Variants in FOXM1 observed in about 807,000 individuals in gnomAD.
FOXM1 encodes forkhead box M1.
In FOXM1, 25 loss-of-function variants were observed where a neutral mutation model predicts 63.6. The observed-to-expected ratio is 0.39, with a 90% CI of 0.29 to 0.55. The LOEUF (loss-of-function observed/expected upper bound fraction) is 0.55. Among genes scored for constraint, FOXM1 ranks in the 20% least tolerant of loss-of-function variants. The pLI, the probability that FOXM1 is intolerant of heterozygous loss-of-function variation, is 0.60. For synonymous variants in FOXM1, 387 were observed against 376.9 expected (o/e 1.03, Z -0.31); for missense variants, 879 against 958.7 (o/e 0.92, Z 1.10).
In FOXM1 at chr12:2,864,902, G is replaced by A. The variant is rs945184765; in HGVS notation, c.1021-150C>T. The A allele has an allele frequency of 2.5e-6, 2 of 788,982 alleles. No homozygotes were observed. Among genetic ancestry groups the A allele is most frequent in the Non-Finnish European group, 4.3e-6 (2 of 468,832 alleles). The allele number at this position is 788,982 out of a possible 1,614,324, so 48.9% of individuals were successfully genotyped here. On this transcript the variant is annotated intron_variant, in intron 6 of 8. Transcript: ENST00000359843. This position sits in a 1 kb window ranked among gnomAD's most constrained non-coding sequence, Gnocchi z 5.1. ...AGGCCAACCTGAGGGGATGGACGTA[G>A]GCGAGCAGTCTCCAAAACTGTGATG...
Position 2,864,036 on chromosome 12 carries a change from T to G in FOXM1, c.1266+284A>C. 3.1e-6 allele frequency: 1 copy of G among 320,962 alleles called. No homozygotes were observed. The highest frequency in any genetic ancestry group is 5.8e-6 in the Non-Finnish European group (1 of 171,408). The allele number at this position is 320,962 out of a possible 1,614,324, so 19.9% of individuals were successfully genotyped here. A position where few individuals can be genotyped will look rare whatever the true frequency, so the allele number is the denominator to read the frequency against. ...ATCTCTTTCTAAGGCCTGCCTCCCT[T>G]GTGTATCTTCCTTAATAATCCTAGC... is the stretch of plus-strand genomic sequence containing the variant. On this transcript the variant is annotated intron_variant, in intron 8 of 8. Transcript: ENST00000359843. The surrounding 1 kb of genome is among the most constrained non-coding windows in gnomAD (Gnocchi z 5.1).
chr12:2,873,602 CAG>C (rs1190678952), intron 2 of FOXM1, among the ~76,000 whole-genome samples: 1 of 148,648 alleles, frequency 6.7e-6, no homozygotes. Flanking sequence ...TTTTTTGAGA[CAG>C]AGTCTCCCTC....
intron 8 of FOXM1, among the ~76,000 whole-genome samples, chr12:2,862,213 A>C (rs1483851454): frequency 6.6e-6 from 1 of 151,984 alleles, no homozygotes; most frequent in African/African-American, 2.4e-5. Context: ...CATGTAGAGA[A>C]GTATGCACAA....
rs2098139069 is a variant in FOXM1 at position 2,874,662 on chromosome 12, A to T, written c.-47-137T>A. On this transcript the variant is annotated intron_variant, in intron 1 of 8. Coordinates refer to ENST00000359843, the MANE Select transcript of FOXM1 (RefSeq NM_021953.4). The surrounding 1 kb of genome is among the most constrained non-coding windows in gnomAD (Gnocchi z 4.3). ...AGGTAAACATTCCATGGACTTTTGT[A>T]AAGACCTCAGATAATAAGGAGATAA... 2 of 628,132 alleles carry T rather than the reference A, an allele frequency of 3.2e-6. No homozygotes were observed. The highest frequency in any genetic ancestry group is 3.6e-5 in the African/African-American group (2 of 55,020). 38.9% of individuals were successfully genotyped at this position (628,132 alleles called of 1,614,324 possible).
chr12:2,865,456 T>A (rs1322061685), intron 5 of FOXM1, 57 bp from the exon 6 acceptor site: 3 of 1,444,562 alleles, frequency 2.1e-6, no homozygotes, highest in Non-Finnish European at 2.9e-6. Context: ...ACCAACGTGG[T>A]CAATTTGACC....
intron 8 of FOXM1, 48 bp from the exon 9 acceptor site, chr12:2,859,711 C>G: frequency 1.4e-6 from 2 of 1,424,656 alleles, no homozygotes; most frequent in African/African-American, 1.4e-5. Flanking sequence ...CCAGACAGGA[C>G]GCACAAAAAT....
At position 2,859,256 on chromosome 12, in the gene FOXM1, C is replaced by T. The variant is rs753533687; in HGVS notation, c.1674G>A (p.Pro558=). 1.9e-5 allele frequency: 30 copies of T among 1,613,574 alleles called. No individual in the cohort carries two copies. Among genetic ancestry groups the T allele is most frequent in the Middle Eastern group, 1.6e-4 (1 of 6,082 alleles). Residue 558 remains proline (P), a synonymous_variant, in exon 9 of 9, where the codon CCG becomes CCA. Transcript: ENST00000359843. ...TGGGCCCCTCTGAGAAGAGCAGCTC[C>T]GGCTCATCCACACAGGGAGGCAGTA... The part of the protein sequence containing the change: ...QHLLPPCVDE[P]ELLFSEGPST...
chr12:2,861,041 G>A (rs567837670), intron 8 of FOXM1, among the ~76,000 whole-genome samples: 21 of 150,918 alleles, frequency 1.4e-4, no homozygotes, highest in African/African-American at 5.1e-4. Context: ...AGTGGTGGGC[G>A]CCTGTAATCC....
rs28990685 is a variant in FOXM1 at position 2,876,934 on chromosome 12, C to G, written c.-62G>C. ...ATCCCGCTCACCTCCAGACTGCAGT[C>G]GCCGCCGCCGTTAGGCCGTAGCTCC... On this transcript the variant is annotated 5_prime_UTR_variant, in exon 1 of 9. Coordinates refer to ENST00000359843, the MANE Select transcript of FOXM1 (RefSeq NM_021953.4). The G allele has an allele frequency of 0.03, 4,629 of 152,370 alleles. 221 individuals are homozygous for G. The highest frequency in any genetic ancestry group is 0.1 in the African/African-American group (4,309 of 41,562). The allele number at this position is 152,370 out of a possible 1,614,324, so 9.4% of individuals were successfully genotyped here.
At chr12:2,859,807 G>C in intron 8 of FOXM1, 144 bp from the exon 9 acceptor site, 1 of 645,006 alleles carries the variant, frequency 1.6e-6, no homozygotes, top group South Asian at 2.0e-5. Context: ...GTTGAAGTTG[G>C]TAGTTCAATT....
At position 2,859,214 on chromosome 12, in the gene FOXM1, G is replaced by C. The variant is rs745319066; in HGVS notation, c.1716C>G (p.Ala572=). ...FSEGPSTSRW[A]AELPFPADSS... is the part of the protein sequence containing the mutation. ...AGTCTGCTGGGAACGGGAGCTCTGC[G>C]GCCCAGCGGGAAGTACTGGGCCCCT... Residue 572 remains alanine, a synonymous_variant, in exon 9 of 9, where the codon GCC becomes GCG. Transcript: ENST00000359843. The C allele has an allele frequency of 6.8e-6, 11 of 1,612,274 alleles. No individual in the cohort carries two copies. Among genetic ancestry groups the C allele is most frequent in the South Asian group, 1.1e-5 (1 of 91,070 alleles).
chr12:2,872,027 A>T lies in FOXM1; in HGVS notation c.654+69T>A, dbSNP rs28990695. 5.8e-3 allele frequency: 8,910 copies of T among 1,539,130 alleles called. 435 individuals carry two copies. In the African/African-American group the frequency reaches 0.11, roughly 18 times the overall value. Reference sequence around the variant, plus strand: ...AAATTCTGGTCCATCAGGCCACTTGATCCATTTCCCTACCTAGGAATTCCC... The same window carrying T: ...AAATTCTGGTCCATCAGGCCACTTGTTCCATTTCCCTACCTAGGAATTCCC... On this transcript the variant is annotated intron_variant, in intron 3 of 8. Transcript: ENST00000359843. This position sits in a 1 kb window ranked among gnomAD's most constrained non-coding sequence, Gnocchi z 4.0.
intron 4 of FOXM1, among the ~76,000 whole-genome samples, chr12:2,866,816 G>A (rs1264873609): frequency 1.3e-5 from 2 of 152,230 alleles, no homozygotes; most frequent in Non-Finnish European, 2.9e-5. Flanking sequence ...AGGCTGTGAG[G>A]TAGTGATCAA....
rs2098098985 is a variant in FOXM1, at chr12:2,858,813, T to C, written c.2117A>G (p.Glu706Gly). ...GGCTGCAAGGCCAGAAACCTGTGGCTCCGGGGAGCCTGGCTTGGGGACGTC... is the reference window on the plus strand; with the variant it reads ...GGCTGCAAGGCCAGAAACCTGTGGCCCCGGGGAGCCTGGCTTGGGGACGTC... ...DIDVPKPGSPEPQVSGLAANR... is the reference protein window; with the variant it reads ...DIDVPKPGSPGPQVSGLAANR... Residue 706 changes from glutamate (E) to glycine (G), a missense_variant, in exon 9 of 9, where the codon GAG (glutamate) becomes GGG (glycine). Physicochemically the swap from Glu to Gly is moderately conservative, Grantham distance 98 (BLOSUM62 -2). This residue lies in a region of FOXM1 where 486 missense variants were observed against 453.5 expected (regional missense o/e 1.07). Transcript: ENST00000359843. 6.2e-7 allele frequency: 1 copy of C among 1,614,144 alleles called. No individual in the cohort carries two copies. The highest frequency in any genetic ancestry group is 2.2e-5 in the East Asian group (1 of 44,890).
At chr12:2,865,606 C>T (rs1408581508) in intron 5 of FOXM1, among the ~76,000 whole-genome samples, 2 of 143,016 alleles carry the variant, frequency 1.4e-5, no homozygotes, top group Non-Finnish European at 3.0e-5. Context: ...AAAAGACGTT[C>T]TGGTAGCTCA....
chr12:2,866,965 A>G (rs1012543065), intron 4 of FOXM1, among the ~76,000 whole-genome samples: 26 of 152,190 alleles, frequency 1.7e-4, no homozygotes, highest in Non-Finnish European at 2.6e-4. Context: ...CCAGCCTAGC[A>G]AACATGGTGA....
In FOXM1 at chr12:2,861,274, A is replaced by G. The variant is rs560040205; in HGVS notation, c.1267-1611T>C. On this transcript the variant is annotated intron_variant, in intron 8 of 8. Transcript: ENST00000359843. ...AGAGGACAATTCCAAGTCACCAAAC[A>G]TAATGACAAGGTGCTCAGACTTACT... 4.9e-5 allele frequency: 35 copies of G among 720,110 alleles called. No individual in the cohort carries two copies. The South Asian group carries it at 5.1e-4, about 11-fold the overall frequency. 44.6% of individuals were successfully genotyped at this position (720,110 alleles called of 1,614,324 possible).
Position 2,874,582 on chromosome 12 carries a change from CT to C in FOXM1, c.-47-58del. The C allele has an allele frequency of 8.1e-7, 1 of 1,237,908 alleles. No homozygotes were observed. The highest frequency in any genetic ancestry group is 1.1e-6 in the Non-Finnish European group (1 of 893,792). 76.7% of individuals were successfully genotyped at this position (1,237,908 alleles called of 1,614,324 possible). ...AGATTGTTTAGGCTGAGAAGAGGTCCTTTTAGAGAAAGGTGCTCCTCTTTAT... is the reference window on the plus strand; with the variant it reads ...AGATTGTTTAGGCTGAGAAGAGGTCCTTTAGAGAAAGGTGCTCCTCTTTAT... On this transcript the variant is annotated intron_variant, in intron 1 of 8. Transcript: ENST00000359843. The surrounding 1 kb of genome is among the most constrained non-coding windows in gnomAD (Gnocchi z 4.3).
At chr12:2,868,346 T>G in intron 4 of FOXM1, 1 of 417,070 alleles carries the variant, frequency 2.4e-6, no homozygotes, top group East Asian at 3.8e-5. Context: ...AGACCCTCCA[T>G]GGACTTTAGG....
Sources: allele counts gnomAD v4.1 joint callset (sites outside exome capture counted in the v4.1 genomes callset), GRCh38; gene constraint gnomAD v4.1.1; regional missense constraint gnomAD v4.1.1; non-coding constraint Gnocchi (gnomAD v3.1); transcripts MANE v1.5; gene names NCBI Gene and HGNC (gene_info 2026-07-23, HGNC 2026-07-21).